Variants in GRID2 observed in about 807,000 individuals in gnomAD.
GRID2 encodes glutamate receptor ionotropic, delta-2.
A neutral mutation model predicts 114.8 loss-of-function variants in GRID2; 33 were observed. The observed-to-expected ratio is 0.29, with a 90% CI of 0.22 to 0.38. GRID2 has a LOEUF of 0.38. Among genes scored for constraint, GRID2 ranks in the 10% least tolerant of loss-of-function variants. GRID2 has a pLI of 1.00. For synonymous variants in GRID2, 505 were observed against 449.9 expected (o/e 1.12, Z -1.55); for missense variants, 1,184 against 1,257.7 (o/e 0.94, Z 0.89).
At chr4:92,972,870 G>C (rs1388500095) in intron 2 of GRID2, among the ~76,000 whole-genome samples, 2 of 152,054 alleles carry the variant, frequency 1.3e-5, no homozygotes, top group African/African-American at 2.4e-5. Context: ...TGGTTTTGCT[G>C]TTCCTGTGTT....
intron 4 of GRID2, among the ~76,000 whole-genome samples, chr4:93,149,321 C>G (rs1416597576): frequency 6.6e-6 from 1 of 152,034 alleles, no homozygotes; most frequent in African/African-American, 2.4e-5. Context: ...CGCCTATAAT[C>G]CCAGCACTTT....
chr4:92,614,896 G>C (rs1031502524), intron 2 of GRID2, among the ~76,000 whole-genome samples: 1 of 149,958 alleles, frequency 6.7e-6, no homozygotes, highest in Admixed American at 6.7e-5. Context: ...TACATGTTTA[G>C]AATTATTATA....
intron 11 of GRID2, among the ~76,000 whole-genome samples, chr4:93,456,734 C>T (rs1193987755): frequency 6.6e-6 from 1 of 152,140 alleles, no homozygotes; most frequent in East Asian, 1.9e-4. Context: ...ATGTTTGCTA[C>T]AATGGAGACA....
chr4:93,320,050 A>G (rs1457435786), intron 8 of GRID2, among the ~76,000 whole-genome samples: 2 of 152,102 alleles, frequency 1.3e-5, no homozygotes, highest in East Asian at 1.9e-4. Context: ...ATAACTATCT[A>G]TAAGGAGGTG....
At chr4:92,500,681 A>G (rs1204021417) in intron 1 of GRID2, among the ~76,000 whole-genome samples, 1 of 152,146 alleles carries the variant, frequency 6.6e-6, no homozygotes, top group Non-Finnish European at 1.5e-5. Context: ...CTTTAAAAGA[A>G]TACCAGGTGG....
At chr4:93,582,008 A>G (rs143416802) in intron 13 of GRID2, among the ~76,000 whole-genome samples, 7 of 152,274 alleles carry the variant, frequency 4.6e-5, no homozygotes, top group Non-Finnish European at 7.4e-5. Context: ...TGCTCCATGT[A>G]TTGATTTCCT....
intron 2 of GRID2, among the ~76,000 whole-genome samples, chr4:92,833,514 A>G (rs1430620266): frequency 6.6e-6 from 1 of 152,200 alleles, no homozygotes; most frequent in African/African-American, 2.4e-5. Context: ...TCTGTAGCAA[A>G]TGACTTAAAA....
intron 1 of GRID2, among the ~76,000 whole-genome samples, chr4:92,550,216 A>G (rs1726510781): frequency 6.6e-6 from 1 of 152,130 alleles, no homozygotes; most frequent in Non-Finnish European, 1.5e-5. Flanking sequence ...TTAAATTTTG[A>G]CAACTTTTAG....
At chr4:93,779,521 G>T (rs1734438465), downstream of GRID2, among the ~76,000 whole-genome samples, 1 of 152,090 alleles carries the variant, frequency 6.6e-6, no homozygotes. Context: ...TCCTGAGAAA[G>T]CTTCCAAAGT....
chr4:92,684,086 G>T (rs897986556), intron 2 of GRID2, among the ~76,000 whole-genome samples: 2 of 151,910 alleles, frequency 1.3e-5, no homozygotes, highest in East Asian at 3.8e-4. Flanking sequence ...TAGAAAATTT[G>T]ATGTACTAGC....
intron 14 of GRID2, among the ~76,000 whole-genome samples, chr4:93,757,966 A>G (rs1578748984): frequency 6.6e-6 from 1 of 152,334 alleles, no homozygotes; most frequent in Middle Eastern, 3.4e-3. Context: ...CAAAAAAAAG[A>G]AAAAGAAAGA....
intron 4 of GRID2, among the ~76,000 whole-genome samples, chr4:93,176,776 G>C (rs149904808): frequency 6.6e-6 from 1 of 152,130 alleles, no homozygotes; most frequent in Non-Finnish European, 1.5e-5. Context: ...GTTTAACACA[G>C]AATTCTCAGC....
intron 13 of GRID2, among the ~76,000 whole-genome samples, chr4:93,559,081 C>T (rs571484017): frequency 2.6e-5 from 4 of 152,044 alleles, no homozygotes; most frequent in South Asian, 2.1e-4. Context: ...TGATGGAATG[C>T]ATCTCAAAAT....
At chr4:93,228,438 T>C (rs1016027466) in intron 7 of GRID2, among the ~76,000 whole-genome samples, 1 of 152,188 alleles carries the variant, frequency 6.6e-6, no homozygotes, top group Non-Finnish European at 1.5e-5. Flanking sequence ...TACTTCTCAA[T>C]ACCATTACAA....
At chr4:92,723,692 A>G (rs937759977) in intron 2 of GRID2, among the ~76,000 whole-genome samples, 4 of 152,134 alleles carry the variant, frequency 2.6e-5, no homozygotes, top group Admixed American at 6.6e-5. Flanking sequence ...AATTGTTCAT[A>G]TAATGAAGAA....
intron 1 of GRID2, among the ~76,000 whole-genome samples, chr4:92,352,124 A>G (rs1482045975): frequency 2.0e-5 from 3 of 151,864 alleles, no homozygotes; most frequent in African/African-American, 7.2e-5. Context: ...ACAGTGTATT[A>G]GATTTCCCTT....
intron 1 of GRID2, among the ~76,000 whole-genome samples, chr4:92,517,115 G>T (rs555395753): frequency 1.3e-5 from 2 of 151,852 alleles, no homozygotes; most frequent in African/African-American, 4.8e-5. Context: ...AATTTGCCAC[G>T]TACTGGATGC....
intron 2 of GRID2, among the ~76,000 whole-genome samples, chr4:92,846,258 C>T (rs1743315874): frequency 1.3e-5 from 2 of 151,838 alleles, no homozygotes; most frequent in African/African-American, 4.8e-5. Context: ...ACAGATGATC[C>T]CACCATCCTG....
chr4:92,708,653 T>C (rs1735066218), intron 2 of GRID2, among the ~76,000 whole-genome samples: 1 of 152,238 alleles, frequency 6.6e-6, no homozygotes, highest in African/African-American at 2.4e-5. Context: ...TAATAAAATT[T>C]CTGATTTTCA....
Sources: allele counts gnomAD v4.1 joint callset (sites outside exome capture counted in the v4.1 genomes callset), GRCh38; gene constraint gnomAD v4.1.1; transcripts MANE v1.5; gene names NCBI Gene and HGNC (gene_info 2026-07-23, HGNC 2026-07-21).